Variants in TTPAL observed in about 807,000 individuals in gnomAD.
The protein encoded by TTPAL is alpha tocopherol transfer protein like.
TTPAL carries 21 observed loss-of-function variants against 28.7 expected under a neutral mutation model. The observed-to-expected ratio is 0.73, with a 90% CI of 0.52 to 1.06. The LOEUF (loss-of-function observed/expected upper bound fraction) is 1.06, where lower values mean the gene tolerates loss of function less well. TTPAL is among the 50% of genes least tolerant of loss of function. TTPAL has a pLI of 0.00. For synonymous variants in TTPAL, 169 were observed against 171.9 expected (o/e 0.98, Z 0.13); for missense variants, 345 against 425.5 (o/e 0.81, Z 1.67).
intron 2 of TTPAL, among the ~76,000 whole-genome samples, chr20:44,483,206 C>T (rs1208222994): frequency 1.3e-5 from 2 of 152,104 alleles, no homozygotes; most frequent in Non-Finnish European, 2.9e-5. Flanking sequence ...TTAGCTGAAA[C>T]AAACAAAAAA....
intron 2 of TTPAL, among the ~76,000 whole-genome samples, chr20:44,481,871 C>T (rs575607088): frequency 3.9e-5 from 6 of 152,276 alleles, no homozygotes; most frequent in East Asian, 1.9e-4. Context: ...GATTTTAGGG[C>T]GCCAGGAGAC....
At chr20:44,483,149 C>T (rs1402127708) in intron 2 of TTPAL, among the ~76,000 whole-genome samples, 1 of 152,236 alleles carries the variant, frequency 6.6e-6, no homozygotes, top group Non-Finnish European at 1.5e-5. Context: ...TGAGCCACCA[C>T]ATCTGGCCAA....
intron 1 of TTPAL, among the ~76,000 whole-genome samples, chr20:44,477,741 G>A (rs545839088): frequency 9.4e-4 from 143 of 151,852 alleles, no homozygotes; most frequent in African/African-American, 3.1e-3. Context: ...TGCAACCTCC[G>A]CTTCCTGGTT....
intron 1 of TTPAL, chr20:44,478,753 T>A (rs1161711407): frequency 6.6e-6 from 1 of 152,248 alleles, no homozygotes. Flanking sequence ...CTTGCTTTTT[T>A]AATATGTCAA....
chr20:44,486,810 GA>G, intron 4 of TTPAL, 104 bp downstream of exon 4: 1 of 650,844 alleles, frequency 1.5e-6, no homozygotes, highest in South Asian at 1.9e-5. Flanking sequence ...AACTAATTTG[GA>G]AAAGTACAGA....
rs770568822 is a variant in TTPAL, at chr20:44,489,402, T to C, written c.890T>C (p.Phe297Ser). The C allele has an allele frequency of 6.2e-7, 1 of 1,614,124 alleles. No individual in the cohort carries two copies. Among genetic ancestry groups the C allele is most frequent in the Non-Finnish European group, 8.5e-7 (1 of 1,180,022 alleles). The change falls in exon 5 of 5, where the codon TTT becomes TCT. Residue 297 changes from phenylalanine (F) to serine (S), a missense_variant. Physicochemically the swap from Phe to Ser is radical, Grantham distance 155. Coordinates refer to ENST00000262605, the MANE Select transcript of TTPAL (RefSeq NM_001039199.3). ...GTACTGCTGGCTTCAGAAGACGATT[T>C]TGTGAAAGAGTTCTGCCAACCTGTT... is the stretch of plus-strand genomic sequence containing the variant. Reference protein sequence around the residue: ...NAVLLASEDDFVKEFCQPVPA... With the variant: ...NAVLLASEDDSVKEFCQPVPA...
rs1271636932 is a variant in TTPAL, at chr20:44,480,804, A to G, written c.445+360A>G. Among the ~76,000 whole-genome samples, 1 of 152,048 alleles carries G rather than the reference A, an allele frequency of 6.6e-6. No homozygotes were observed. The highest frequency in any genetic ancestry group is 1.5e-5 in the Non-Finnish European group (1 of 68,018). On this transcript the variant is annotated intron_variant, in intron 2 of 4. Transcript: ENST00000262605. This position sits in a 1 kb window ranked among gnomAD's most constrained non-coding sequence, Gnocchi z 4.1. The stretch of plus-strand genomic sequence containing the variant: ...TCTGCCTTTTGCATATCTTCTTCAC[A>G]CTTTTTCTGTGTATGGCTGTCCCGC...
chr20:44,477,873 T>C (rs147356119), intron 1 of TTPAL, among the ~76,000 whole-genome samples: 4 of 152,262 alleles, frequency 2.6e-5, no homozygotes, highest in African/African-American at 4.8e-5. Context: ...CAGGCTGGTC[T>C]CGAACTCCTG....
In TTPAL at chr20:44,484,325, T is replaced by A. The variant is rs1002339113; in HGVS notation, c.446-12T>A. Reference sequence around the variant, plus strand: ...ACTTCTGTAACATACTGTCAATCTCTTATGACCTTAGACAGATGGATACCA... The same window carrying A: ...ACTTCTGTAACATACTGTCAATCTCATATGACCTTAGACAGATGGATACCA... On this transcript the variant is annotated splice_polypyrimidine_tract_variant and intron_variant, in intron 2 of 4. Transcript: ENST00000262605. The A allele has an allele frequency of 6.6e-7, 1 of 1,517,022 alleles. No individual in the cohort carries two copies. Among genetic ancestry groups the A allele is most frequent in the African/African-American group, 1.4e-5 (1 of 73,148 alleles). 94.0% of individuals were successfully genotyped at this position (1,517,022 alleles called of 1,614,324 possible). A position where few individuals can be genotyped will look rare whatever the true frequency, so the allele number is the denominator to read the frequency against.
At position 44,494,387 on chromosome 20, in the gene TTPAL, G is replaced by A. The variant is rs1983; in HGVS notation, c.*4846G>A. The A allele has an allele frequency of 0.38, 57,497 of 152,548 alleles. 13,235 individuals carry two copies. Among genetic ancestry groups the A allele is most frequent in the Non-Finnish European group, 0.53 (36,193 of 67,936 alleles). 9.4% of individuals were successfully genotyped at this position (152,548 alleles called of 1,614,324 possible). On this transcript the variant is annotated 3_prime_UTR_variant, in exon 5 of 5. Transcript: ENST00000262605. ...GGTGAGCTAATTCTCTGACCAGCTT[G>A]GGGCACTGTTTCAGCCACTGGTCAC...
At chr20:44,484,069 A>G (rs1009853378) in intron 2 of TTPAL, among the ~76,000 whole-genome samples, 1 of 152,188 alleles carries the variant, frequency 6.6e-6, no homozygotes, top group Non-Finnish European at 1.5e-5. Flanking sequence ...TACTGGGATT[A>G]CAGGCATGAG....
chr20:44,486,940 T>TCC (rs2064157518), intron 4 of TTPAL, among the ~76,000 whole-genome samples: 1 of 152,166 alleles, frequency 6.6e-6, no homozygotes, highest in African/African-American at 2.4e-5. Context: ...CATAAGAGCC[T>TCC]CCCTGGGCAG....
rs938208219 is a variant in TTPAL at position 44,491,488 on chromosome 20, G to C, written c.*1947G>C. On this transcript the variant is annotated 3_prime_UTR_variant, in exon 5 of 5. Coordinates refer to ENST00000262605, the MANE Select transcript of TTPAL (RefSeq NM_001039199.3). ...TTGAAGGCCAATCTGTTGTTACTAA[G>C]CTGTTTATCTCTATTGCCTTTTTAA... The C allele has an allele frequency of 9.2e-5, 14 of 152,300 alleles. No individual in the cohort carries two copies. The highest frequency in any genetic ancestry group is 2.1e-4 in the Non-Finnish European group (14 of 68,028). 9.4% of individuals were successfully genotyped at this position (152,300 alleles called of 1,614,324 possible). A position where few individuals can be genotyped will look rare whatever the true frequency, so the allele number is the denominator to read the frequency against.
intron 2 of TTPAL, among the ~76,000 whole-genome samples, chr20:44,481,284 C>T (rs1488592921): frequency 1.1e-4 from 17 of 152,148 alleles, no homozygotes; most frequent in Admixed American, 1.1e-3. Flanking sequence ...GCAGCTCATA[C>T]CTGTAATCCC....
At chr20:44,478,185 G>A (rs114414410) in intron 1 of TTPAL, among the ~76,000 whole-genome samples, 10 of 152,218 alleles carry the variant, frequency 6.6e-5, no homozygotes, top group East Asian at 1.9e-4. Flanking sequence ...GAGGTTAGAC[G>A]TGCTAGAAAT....
chr20:44,482,866 C>CT (rs912396130), intron 2 of TTPAL, among the ~76,000 whole-genome samples: 13 of 150,842 alleles, frequency 8.6e-5, no homozygotes, highest in African/African-American at 2.2e-4. Context: ...CAAGACTCAG[C>CT]TTTTTTTTTG....
chr20:44,489,640 T>C lies in TTPAL; in HGVS notation c.*99T>C. The C allele has an allele frequency of 7.7e-7, 1 of 1,302,608 alleles. No homozygotes were observed. The allele number at this position is 1,302,608 out of a possible 1,614,324, so 80.7% of individuals were successfully genotyped here. Reference sequence around the variant, plus strand: ...TCCATGGATTCAGTCTTGCTCCTTGTAATTAAACTGCAGGATGGAGGAACA... The same window carrying C: ...TCCATGGATTCAGTCTTGCTCCTTGCAATTAAACTGCAGGATGGAGGAACA... On this transcript the variant is annotated 3_prime_UTR_variant, in exon 5 of 5. Coordinates refer to ENST00000262605, the MANE Select transcript of TTPAL (RefSeq NM_001039199.3).
At chr20:44,481,526 C>G (rs2064105218) in intron 2 of TTPAL, among the ~76,000 whole-genome samples, 1 of 152,232 alleles carries the variant, frequency 6.6e-6, no homozygotes, top group African/African-American at 2.4e-5. Flanking sequence ...CTACTCCATT[C>G]CTAGCCTCAA....
intron 1 of TTPAL, among the ~76,000 whole-genome samples, chr20:44,476,719 A>G (rs758200804): frequency 2.0e-5 from 3 of 152,264 alleles, no homozygotes; most frequent in Non-Finnish European, 4.4e-5. Context: ...TGCTTGATAC[A>G]TGGTAAAATG....
Sources: gnomAD v4.1 joint callset for allele counts (sites outside exome capture counted in the v4.1 genomes callset) on GRCh38, gnomAD v4.1.1 for gene constraint, Gnocchi (gnomAD v3.1) non-coding constraint, MANE v1.5 for transcripts, NCBI Gene and HGNC (gene_info 2026-07-23, HGNC 2026-07-21) for gene names.